The following AKAP12 variants were observed in gnomAD, a reference collection of about 807,000 sequenced individuals.
AKAP12 encodes the protein A-kinase anchoring protein 12.
In AKAP12, 32 loss-of-function variants were observed where a neutral mutation model predicts 79.9. The observed-to-expected ratio is 0.40, with a 90% CI of 0.30 to 0.54. The LOEUF is 0.54. Among genes scored for constraint, AKAP12 ranks in the 20% least tolerant of loss-of-function variants. The pLI is 0.48. For missense variants in AKAP12, 2,074 were observed against 2,177.0 expected (o/e 0.95, Z 0.94); for synonymous variants, 808 against 857.0 (o/e 0.94, Z 1.00).
Position 151,253,639 on chromosome 6 carries a change from G to A in AKAP12, c.162+12915G>A, listed in dbSNP as rs118021601. Among the ~76,000 whole-genome samples the A allele has an allele frequency of 3.5e-3, 536 of 152,248 alleles. 14 individuals carry two copies. In the East Asian group the frequency reaches 0.067, roughly 19 times the overall value. The stretch of plus-strand genomic sequence containing the variant: ...TATGCACTGCAGTACAAACTGGGAG[G>A]GAGAGGGGGAATAGGATTGTAGTCT... On this transcript the variant is annotated intron_variant, in intron 2 of 4. Coordinates refer to ENST00000402676, the MANE Select transcript of AKAP12 (RefSeq NM_005100.4).
At chr6:151,348,310 G>GT (rs1345181940) in intron 3 of AKAP12, 1 of 441,840 alleles carries the variant, frequency 2.3e-6, no homozygotes, top group African/African-American at 2.1e-5. Context: ...GGGCGACAGA[G>GT]TGAGACTCTG....
intron 2 of AKAP12, among the ~76,000 whole-genome samples, chr6:151,272,263 T>G (rs1776198004): frequency 6.7e-6 from 1 of 149,754 alleles, no homozygotes; most frequent in Non-Finnish European, 1.5e-5. Context: ...AAGGATCCCT[T>G]GAGCCAAGGA....
chr6:151,349,010 G>A lies in AKAP12; in HGVS notation c.619G>A (p.Glu207Lys). Residue 207 changes from glutamate to lysine, a missense_variant, in exon 4 of 5, where the codon GAG becomes AAG. Around this residue, in one of 3 missense-constraint regions of AKAP12, gnomAD observed 1,428 missense variants for 1,451.0 expected, o/e 0.98. Coordinates refer to ENST00000402676, the MANE Select transcript of AKAP12 (RefSeq NM_005100.4). ...QLLTVKKDEG[E>K]GAAGAGDHKD... ...ACTCACTGTGAAGAAAGATGAAGGG[G>A]AGGGAGCAGCAGGGGCTGGCGACCA... 1 of 1,614,034 alleles carries A rather than the reference G, an allele frequency of 6.2e-7. No individual in the cohort carries two copies. The highest frequency in any genetic ancestry group is 1.7e-5 in the Admixed American group (1 of 60,018).
intron 3 of AKAP12, among the ~76,000 whole-genome samples, chr6:151,333,890 A>T (rs1777745134): frequency 6.6e-6 from 1 of 152,032 alleles, no homozygotes; most frequent in African/African-American, 2.4e-5. Flanking sequence ...GGGGAAAGCG[A>T]AAAAAGTGAA....
chr6:151,272,088 C>A (rs1337511201), intron 2 of AKAP12, among the ~76,000 whole-genome samples: 1 of 151,936 alleles, frequency 6.6e-6, no homozygotes, highest in Non-Finnish European at 1.5e-5. Flanking sequence ...TGCTGTAATC[C>A]CTGCGCTGTG....
chr6:151,284,638 G>A (rs1024223140), intron 2 of AKAP12, among the ~76,000 whole-genome samples: 1 of 151,996 alleles, frequency 6.6e-6, no homozygotes, highest in South Asian at 2.1e-4. Context: ...AAACAAAACC[G>A]AAACCAAAAA....
At chr6:151,303,166 G>A (rs999750786) in intron 2 of AKAP12, among the ~76,000 whole-genome samples, 2 of 151,782 alleles carry the variant, frequency 1.3e-5, no homozygotes, top group African/African-American at 4.8e-5. Context: ...GGACTACCTG[G>A]GGGACAAGAG....
chr6:151,353,584 T>G lies in AKAP12; in HGVS notation c.5193T>G (p.Asn1731Lys), dbSNP rs776806080. The change falls in exon 4 of 5, where the codon AAT becomes AAG. Residue 1731 changes from asparagine (N) to lysine (K), a missense_variant. This residue lies in a region of AKAP12 where 614 missense variants were observed against 665.6 expected (regional missense o/e 0.92). Transcript: ENST00000402676. Reference sequence around the variant, plus strand: ...TAACCAAAGAGTCCCCAGATACAAATGGACCAAAACAAAAAGAGAAGGAGG... The same window carrying G: ...TAACCAAAGAGTCCCCAGATACAAAGGGACCAAAACAAAAAGAGAAGGAGG... Reference protein sequence around the residue: ...GGLTKESPDTNGPKQKEKEDA... With the variant: ...GGLTKESPDTKGPKQKEKEDA... The G allele has an allele frequency of 6.1e-5, 99 of 1,613,828 alleles. No individual in the cohort carries two copies. Among genetic ancestry groups the G allele is most frequent in the Non-Finnish European group, 8.0e-5 (94 of 1,179,998 alleles).
chr6:151,307,988 AT>A (rs370411189), intron 3 of AKAP12, among the ~76,000 whole-genome samples: 194 of 151,904 alleles, frequency 1.3e-3, no homozygotes, highest in African/African-American at 4.0e-3. Context: ...GGCTCCAGTG[AT>A]TCTCCTGCCT....
chr6:151,269,815 C>T (rs1384430772), intron 2 of AKAP12, among the ~76,000 whole-genome samples: 2 of 152,158 alleles, frequency 1.3e-5, no homozygotes, highest in African/African-American at 2.4e-5. Flanking sequence ...GCATAACTGT[C>T]ATGATCTTCG....
At chr6:151,346,200 A>T (rs751513838) in intron 3 of AKAP12, among the ~76,000 whole-genome samples, 6 of 152,008 alleles carry the variant, frequency 3.9e-5, no homozygotes, top group African/African-American at 1.5e-4. Flanking sequence ...TGTTCCTTAA[A>T]TCTCTTAATT....
intron 2 of AKAP12, among the ~76,000 whole-genome samples, chr6:151,271,865 G>A (rs1776190451): frequency 6.6e-6 from 1 of 151,526 alleles, no homozygotes; most frequent in Non-Finnish European, 1.5e-5. Flanking sequence ...TTACCATGTT[G>A]GCCAGGTTGG....
intron 3 of AKAP12, among the ~76,000 whole-genome samples, chr6:151,330,840 A>T (rs1469597774): frequency 6.6e-6 from 1 of 152,210 alleles, no homozygotes; most frequent in African/African-American, 2.4e-5. Context: ...GGTTTTGAAC[A>T]CACGGGCTGT....
rs150167648 is a variant in AKAP12 at position 151,352,234 on chromosome 6, C to T, written c.3843C>T (p.Phe1281=). Residue 1281 remains phenylalanine, a synonymous_variant, in exon 4 of 5, where the codon TTC becomes TTT. Transcript: ENST00000402676. ...AGAAAACCAAAGACGTACCATTTTT[C>T]GAAGGACTTGAGGGGTCTATAGACA... The part of the protein sequence containing the change: ...ADEKTKDVPF[F]EGLEGSIDTG... The T allele has an allele frequency of 4.4e-4, 704 of 1,613,900 alleles. No individual in the cohort carries two copies. The highest frequency in any genetic ancestry group is 3.1e-4 in the Non-Finnish European group (366 of 1,180,012).
Position 151,350,700 on chromosome 6 carries a change from A to G in AKAP12, c.2309A>G (p.Lys770Arg). Residue 770 changes from lysine (K) to arginine (R), a missense_variant, in exon 4 of 5, where the codon AAA becomes AGA. By Grantham distance (26) the Lys-to-Arg change is conservative (BLOSUM62 2). Transcript: ENST00000402676. This position sits in a 1 kb window ranked among gnomAD's most constrained non-coding sequence, Gnocchi z 4.8. ...TTTAAAAGGTTAGTCACGCCAAGAA[A>G]AAAATCAAAGTCCAAGCTGGAAGAG... Reference protein sequence around the residue: ...ESFKRLVTPRKKSKSKLEEKS... With the variant: ...ESFKRLVTPRRKSKSKLEEKS... 6.2e-7 allele frequency: 1 copy of G among 1,613,830 alleles called. No individual in the cohort carries two copies. The highest frequency in any genetic ancestry group is 1.1e-5 in the South Asian group (1 of 91,070).
chr6:151,297,443 C>T (rs538006834), intron 2 of AKAP12, among the ~76,000 whole-genome samples: 14 of 151,744 alleles, frequency 9.2e-5, no homozygotes, highest in Admixed American at 5.2e-4. Context: ...TGTGGTGGTG[C>T]GCACCTGTAA....
chr6:151,279,079 G>T (rs1469197718), intron 2 of AKAP12, among the ~76,000 whole-genome samples: 1 of 152,164 alleles, frequency 6.6e-6, no homozygotes, highest in Non-Finnish European at 1.5e-5. Flanking sequence ...TCAATAAGCA[G>T]TTATAGTGGA....
Position 151,256,962 on chromosome 6 carries a change from A to AT in AKAP12, c.162+16238_162+16239insT, listed in dbSNP as rs1554319585. On this transcript the variant is annotated intron_variant, in intron 2 of 4. Coordinates refer to ENST00000402676, the MANE Select transcript of AKAP12 (RefSeq NM_005100.4). ...CCGCGCCCGGCCTATATATATATATAAACTTTAAATTAACCAAATATAGAG... is the reference window on the plus strand; with the variant it reads ...CCGCGCCCGGCCTATATATATATATATAACTTTAAATTAACCAAATATAGAG... Among the ~76,000 whole-genome samples the AT allele has an allele frequency of 8.1e-4, 123 of 151,158 alleles. 2 individuals carry two copies. Among genetic ancestry groups the AT allele is most frequent in the African/African-American group, 2.9e-3 (119 of 41,100 alleles).
chr6:151,348,697 C>CCCTCTTTT lies in AKAP12; in HGVS notation c.320-14_320-13insCCTCTTTT. ...TTCTCTTCTCCCCACCCCCCCGCCC[C>CCCTCTTTT]TTTTTGTTAATAGTTGGACAGAGAG... On this transcript the variant is annotated splice_polypyrimidine_tract_variant and intron_variant, in intron 3 of 4. Transcript: ENST00000402676. 1 of 650,664 alleles carries CCCTCTTTT rather than the reference C, an allele frequency of 1.5e-6. No individual in the cohort carries two copies. Among genetic ancestry groups the CCCTCTTTT allele is most frequent in the Non-Finnish European group, 2.4e-6 (1 of 420,006 alleles). 40.3% of individuals were successfully genotyped at this position (650,664 alleles called of 1,614,324 possible).
Sources: gnomAD v4.1 joint callset for allele counts (sites outside exome capture counted in the v4.1 genomes callset) on GRCh38, gnomAD v4.1.1 for gene constraint, gnomAD v4.1.1 regional missense constraint, Gnocchi (gnomAD v3.1) non-coding constraint, MANE v1.5 for transcripts, NCBI Gene and HGNC (gene_info 2026-07-23, HGNC 2026-07-21) for gene names.